KIF25: variants seen among roughly 807,000 people sequenced by gnomAD.
KIF25 encodes kinesin-like protein KIF25.
A neutral mutation model predicts 32.9 loss-of-function variants in KIF25; 19 were observed. The ratio of observed to expected loss-of-function variants is 0.58; its 90% CI spans 0.40 to 0.85. KIF25 has a LOEUF of 0.85. Ranked by LOEUF, KIF25 falls within the 40% of genes least tolerant of loss-of-function variation. KIF25 has a pLI of 0.00. For synonymous variants in KIF25, 225 were observed against 213.7 expected, an observed-to-expected ratio of 1.05 and a Z score of -0.46; for missense variants, 485 against 507.0, an observed-to-expected ratio of 0.96 and a Z score of 0.42.
chr6:168,042,108 G>T lies in KIF25; in HGVS notation c.786G>T (p.Gln262His). ...CCGCAGGGCATGCGGAGCAGGTGCA[G>T]GCTCGACTACAGCTCGTGGACTCGG... is the stretch of plus-strand genomic sequence containing the variant. ...GNPAGHAEQV[Q>H]ARLQLVDSAG... The change falls in exon 11 of 13, where the codon CAG (glutamine) becomes CAT (histidine). Residue 262 changes from glutamine (Q) to histidine (H), a missense_variant. Transcript: ENST00000643607. 1 of 1,551,502 alleles carries T rather than the reference G, an allele frequency of 6.4e-7. No individual in the cohort carries two copies. The highest frequency in any genetic ancestry group is 2.0e-4 in the Middle Eastern group (1 of 5,102).
chr6:168,044,582 C>G (rs554331482), intron 12 of KIF25, among the ~76,000 whole-genome samples: 53 of 135,452 alleles, frequency 3.9e-4, no homozygotes, highest in East Asian at 1.8e-3. Context: ...CTGACCCTCC[C>G]GGAGGGTGAG....
chr6:168,008,586 C>T (rs185520330), intron 4 of KIF25, among the ~76,000 whole-genome samples: 159 of 152,084 alleles, frequency 1.0e-3, no homozygotes, highest in African/African-American at 3.7e-3. Flanking sequence ...ACAAATTTTA[C>T]AATTTTTTCA....
intron 9 of KIF25, 41 bp from the exon 10 acceptor site, chr6:168,040,024 G>T: frequency 6.3e-7 from 1 of 1,578,646 alleles, no homozygotes; most frequent in East Asian, 2.3e-5. Context: ...GGTAAGGGGG[G>T]CCGCCCTCAC....
In KIF25 at chr6:168,009,264, G is replaced by GT. The variant is rs199798456; in HGVS notation, c.-163+5570dup. On this transcript the variant is annotated intron_variant, in intron 4 of 12. Coordinates refer to ENST00000643607, the MANE Select transcript of KIF25 (RefSeq NM_030615.4). ...TTCTATACCTAATTTATTAAGAGTT[G>GT]TTTTTTTTTATCATGAAAGGATGTT... Among the ~76,000 whole-genome samples the GT allele has an allele frequency of 3.9e-3, 586 of 150,948 alleles. 3 individuals are homozygous for GT. The highest frequency in any genetic ancestry group is 0.012 in the African/African-American group (485 of 41,176).
intron 10 of KIF25, 79 bp from the exon 11 acceptor site, chr6:168,041,890 C>A (rs548016811): frequency 5.7e-6 from 8 of 1,415,292 alleles, no homozygotes; most frequent in Non-Finnish European, 6.7e-6. Context: ...AGAAGCTTCT[C>A]GGCTCTGACT....
intron 5 of KIF25, among the ~76,000 whole-genome samples, chr6:168,018,675 G>A (rs996786786): frequency 1.3e-5 from 2 of 152,146 alleles, no homozygotes; most frequent in Non-Finnish European, 2.9e-5. Flanking sequence ...GGAGAGCCCC[G>A]GAAGGCTCAG....
Position 168,012,911 on chromosome 6 carries a change from C to T in KIF25, c.-162-5062C>T, listed in dbSNP as rs574298954. On this transcript the variant is annotated intron_variant, in intron 4 of 12. Transcript: ENST00000643607. ...CCAGGGGTGACCTGTGTGGCTGTTT[C>T]GTGGGTTTGGAGTACAGGTTTCAGG... is the stretch of plus-strand genomic sequence containing the variant. 5.3e-5 allele frequency among the ~76,000 whole-genome samples: 8 copies of T among 151,778 alleles called. No homozygotes were observed. The East Asian group carries it at 9.7e-4, about 18-fold the overall frequency.
intron 8 of KIF25, 36 bp downstream of exon 8, chr6:168,034,067 T>C (rs1481550493): frequency 6.2e-7 from 1 of 1,607,976 alleles, no homozygotes; most frequent in East Asian, 2.2e-5. Flanking sequence ...CAGAGAAATA[T>C]GGCAGGGAAG....
chr6:168,022,330 T>C (rs905038066), intron 5 of KIF25, among the ~76,000 whole-genome samples: 1 of 152,248 alleles, frequency 6.6e-6, no homozygotes, highest in Non-Finnish European at 1.5e-5. Flanking sequence ...TTCGTGCTTG[T>C]AAATTATTTG....
At chr6:168,000,247 A>G (rs1798480163) in intron 2 of KIF25, among the ~76,000 whole-genome samples, 1 of 102,534 alleles carries the variant, frequency 9.8e-6, no homozygotes, top group Non-Finnish European at 1.9e-5. Context: ...TCCCATCCCG[A>G]CCACGCCTGA....
At chr6:168,031,424 G>A (rs142487614) in intron 7 of KIF25, among the ~76,000 whole-genome samples, 401 of 152,320 alleles carry the variant, frequency 2.6e-3, no homozygotes, top group Non-Finnish European at 4.0e-3. Flanking sequence ...TACTTGCATT[G>A]TCCAGCAAAG....
chr6:168,037,556 C>T (rs1181715628), intron 8 of KIF25, among the ~76,000 whole-genome samples: 1 of 152,082 alleles, frequency 6.6e-6, no homozygotes, highest in Non-Finnish European at 1.5e-5. Flanking sequence ...TTGTCAGAGA[C>T]AAACCAGAAA....
At chr6:168,026,668 T>C (rs146123956) in intron 5 of KIF25, among the ~76,000 whole-genome samples, 1 of 152,180 alleles carries the variant, frequency 6.6e-6, no homozygotes, top group African/African-American at 2.4e-5. Flanking sequence ...TCAGAAAAAA[T>C]ATTAATAGGT....
chr6:168,042,797 C>G, intron 12 of KIF25, 81 bp downstream of exon 12: 1 of 1,483,816 alleles, frequency 6.7e-7, no homozygotes, highest in Non-Finnish European at 9.0e-7. Flanking sequence ...CCTGCACGTC[C>G]TCGAGGGCCA....
chr6:168,006,338 G>A (rs1181094667), intron 4 of KIF25, among the ~76,000 whole-genome samples: 7 of 152,020 alleles, frequency 4.6e-5, no homozygotes, highest in Admixed American at 3.9e-4. Flanking sequence ...CACCACACCG[G>A]GCAAATTGTG....
At chr6:168,018,436 C>T (rs563230882) in intron 5 of KIF25, among the ~76,000 whole-genome samples, 1 of 152,294 alleles carries the variant, frequency 6.6e-6, no homozygotes, top group Non-Finnish European at 1.5e-5. Flanking sequence ...GTATCAAATG[C>T]ATTTTCAACT....
At chr6:168,042,990 C>G (rs899649810) in intron 12 of KIF25, among the ~76,000 whole-genome samples, 3 of 152,308 alleles carry the variant, frequency 2.0e-5, no homozygotes, top group Non-Finnish European at 4.4e-5. Flanking sequence ...TTTCTCTTCA[C>G]CAGGGGTCCG....
In KIF25 at chr6:168,042,622, G is replaced by A. The variant is rs762853267; in HGVS notation, c.891G>A (p.Ala297=). ...TGGCGTGCATCAGCCGCAGCCTTGCGGCCCTGGCAGGCGTCCTGGGGGCTT... is the reference window on the plus strand; with the variant it reads ...TGGCGTGCATCAGCCGCAGCCTTGCAGCCCTGGCAGGCGTCCTGGGGGCTT... The part of the protein sequence containing the change: ...REMACISRSL[A]ALAGVLGALL... The change falls in exon 12 of 13, where the codon GCG becomes GCA. Residue 297 remains alanine (A), a synonymous_variant. Transcript: ENST00000643607. 4.0e-5 allele frequency: 64 copies of A among 1,613,820 alleles called. No homozygotes were observed. The highest frequency in any genetic ancestry group is 5.0e-5 in the Admixed American group (3 of 59,998).
At chr6:168,006,027 A>G (rs1165934956) in intron 4 of KIF25, among the ~76,000 whole-genome samples, 3 of 152,184 alleles carry the variant, frequency 2.0e-5, no homozygotes, top group Admixed American at 6.5e-5. Context: ...TCCTGCCTTC[A>G]GTGCAGGAGG....
Sources: allele counts gnomAD v4.1 joint callset (sites outside exome capture counted in the v4.1 genomes callset), GRCh38; gene constraint gnomAD v4.1.1; transcripts MANE v1.5; gene names NCBI Gene and HGNC (gene_info 2026-07-23, HGNC 2026-07-21).